Variants in CLASP1 observed in about 807,000 individuals in gnomAD.
CLASP1 encodes the protein cytoplasmic linker associated protein 1.
Under a neutral mutation model 192.3 loss-of-function variants are expected in CLASP1, and 38 were observed. The ratio of observed to expected loss-of-function variants is 0.20; its 90% confidence interval spans 0.15 to 0.26. The LOEUF (loss-of-function observed/expected upper bound fraction) is 0.26. Among genes scored for constraint, CLASP1 ranks in the 10% least tolerant of loss-of-function variants. CLASP1 has a pLI of 1.00. For synonymous variants in CLASP1, 691 were observed against 712.8 expected, an observed-to-expected ratio of 0.97 and a Z score of 0.49; for missense variants, 1,433 against 1,932.5, an observed-to-expected ratio of 0.74 and a Z score of 4.85.
intron 1 of CLASP1, among the ~76,000 whole-genome samples, chr2:121,628,110 CT>C (rs2106188242): frequency 6.6e-6 from 1 of 152,202 alleles, no homozygotes; most frequent in Non-Finnish European, 1.5e-5. Context: ...TAGGACACTG[CT>C]TTTACTAAAA....
At chr2:121,531,481 G>C (rs1438472668) in intron 2 of CLASP1, among the ~76,000 whole-genome samples, 1 of 151,648 alleles carries the variant, frequency 6.6e-6, no homozygotes, top group Non-Finnish European at 1.5e-5. Flanking sequence ...TGTAGTCCCA[G>C]CTGCTCGGGA....
intron 1 of CLASP1, among the ~76,000 whole-genome samples, chr2:121,619,714 A>G (rs2067011924): frequency 6.6e-6 from 1 of 152,212 alleles, no homozygotes; most frequent in Non-Finnish European, 1.5e-5. Flanking sequence ...ATTTTTCCCT[A>G]AATGTGAACT....
chr2:121,400,991 T>C (rs1242440501), intron 28 of CLASP1, among the ~76,000 whole-genome samples: 2 of 152,220 alleles, frequency 1.3e-5, no homozygotes, highest in Admixed American at 6.5e-5. Flanking sequence ...TTTTCTAACT[T>C]TTCTGGGCTT....
chr2:121,462,070 T>G (rs1415808224), intron 10 of CLASP1, among the ~76,000 whole-genome samples: 2 of 152,170 alleles, frequency 1.3e-5, no homozygotes, highest in African/African-American at 2.4e-5. Flanking sequence ...GTCAAACTTG[T>G]GGCTGTATCC....
chr2:121,582,105 G>A (rs1264235239), intron 2 of CLASP1, among the ~76,000 whole-genome samples: 1 of 152,042 alleles, frequency 6.6e-6, no homozygotes, highest in Admixed American at 6.5e-5. Context: ...GGAGGTGGCA[G>A]TGAGCCAAGA....
intron 1 of CLASP1, among the ~76,000 whole-genome samples, chr2:121,619,184 T>C (rs2066928257): frequency 6.6e-6 from 1 of 152,202 alleles, no homozygotes; most frequent in African/African-American, 2.4e-5. Context: ...CTCACCACAT[T>C]ACATTAAAAA....
rs1170152702 is a variant in CLASP1, at chr2:121,611,205, G to GTT, written c.-285-5026_-285-5025insAA. On this transcript the variant is annotated intron_variant, in intron 1 of 39. Coordinates refer to ENST00000263710, the Ensembl canonical transcript of CLASP1. ...AGGAAGAGGAACTGGAGGAGGAGGAGGTGGAGGAGTTACAGGAGGAAGAGG... is the reference window on the plus strand; with the variant it reads ...AGGAAGAGGAACTGGAGGAGGAGGAGTTGTGGAGGAGTTACAGGAGGAAGAGG... 5.0e-5 allele frequency among the ~76,000 whole-genome samples: 7 copies of GTT among 141,228 alleles called. 2 individuals are homozygous for GTT. The highest frequency in any genetic ancestry group is 1.9e-4 in the African/African-American group (7 of 36,588). 92.7% of individuals were successfully genotyped at this position (141,228 alleles called of 152,430 possible). A position where few individuals can be genotyped will look rare whatever the true frequency, so the allele number is the denominator to read the frequency against.
intron 22 of CLASP1, among the ~76,000 whole-genome samples, chr2:121,420,633 C>T (rs900208097): frequency 8.5e-5 from 13 of 152,174 alleles, no homozygotes; most frequent in Non-Finnish European, 1.3e-4. Flanking sequence ...AAGTCCCTTG[C>T]TGAAGAGCAC....
intron 23 of CLASP1, 74 bp from the exon 25 acceptor site, chr2:121,411,043 C>T (rs1384556195): frequency 3.4e-6 from 3 of 894,552 alleles, no homozygotes; most frequent in Non-Finnish European, 5.1e-6. Context: ...GGACTACTGC[C>T]TCTTCCCACC....
intron 19 of CLASP1, chr2:121,445,417 C>G (rs145358993): frequency 1.6e-6 from 2 of 1,276,060 alleles, no homozygotes; most frequent in Non-Finnish European, 2.0e-6. Context: ...CCCAACTACA[C>G]GTCCAGCAGC....
exon 8 of CLASP1, chr2:121,503,175 G>C: frequency 1.9e-6 from 3 of 1,548,132 alleles, no homozygotes; most frequent in Non-Finnish European, 2.6e-6. Context: ...ACCATTTGCA[G>C]ATTGTATCAT....
intron 30 of CLASP1, among the ~76,000 whole-genome samples, chr2:121,392,741 C>A (rs1432219867): frequency 2.6e-5 from 4 of 152,206 alleles, no homozygotes; most frequent in Non-Finnish European, 5.9e-5. Flanking sequence ...CTTACATCAA[C>A]ACAGTGCATT....
At chr2:121,420,855 G>A (rs184341185) in intron 22 of CLASP1, among the ~76,000 whole-genome samples, 42 of 152,052 alleles carry the variant, frequency 2.8e-4, no homozygotes, top group East Asian at 2.3e-3. Flanking sequence ...GCTCTTTTTC[G>A]TCTGAGTCTG....
chr2:121,634,964 A>T (rs899004463), intron 1 of CLASP1, among the ~76,000 whole-genome samples: 2 of 152,204 alleles, frequency 1.3e-5, no homozygotes, highest in African/African-American at 4.8e-5. Flanking sequence ...ATAGCAAAAG[A>T]TAGTTTGCAT....
At chr2:121,575,982 A>G (rs1326194887) in intron 2 of CLASP1, among the ~76,000 whole-genome samples, 1 of 152,266 alleles carries the variant, frequency 6.6e-6, no homozygotes, top group Non-Finnish European at 1.5e-5. Context: ...GACACAGGCC[A>G]AAGCTAACCT....
chr2:121,646,246 G>A (rs2073163291), intron 1 of CLASP1, among the ~76,000 whole-genome samples: 2 of 152,016 alleles, frequency 1.3e-5, no homozygotes, highest in African/African-American at 4.8e-5. Flanking sequence ...CCAAGTAGTT[G>A]GGACTACAGG....
intron 38 of CLASP1, among the ~76,000 whole-genome samples, chr2:121,347,738 C>G (rs78811110): frequency 6.6e-6 from 1 of 152,286 alleles, no homozygotes; most frequent in East Asian, 1.9e-4. Context: ...GTTCTCCAAA[C>G]AGCCTGGGAC....
intron 1 of CLASP1, among the ~76,000 whole-genome samples, chr2:121,619,196 G>A (rs2066930434): frequency 6.6e-6 from 1 of 152,128 alleles, no homozygotes; most frequent in Admixed American, 6.5e-5. Flanking sequence ...CATTAAAAAG[G>A]CAGGTCACCT....
At chr2:121,531,183 C>G (rs988699117) in intron 2 of CLASP1, among the ~76,000 whole-genome samples, 2 of 152,060 alleles carry the variant, frequency 1.3e-5, no homozygotes, top group African/African-American at 2.4e-5. Flanking sequence ...GAACTTCACC[C>G]CTTTAACTTT....
Sources: gnomAD v4.1 joint callset for allele counts (sites outside exome capture counted in the v4.1 genomes callset) on GRCh38, gnomAD v4.1.1 for gene constraint, MANE v1.5 for transcripts, NCBI Gene and HGNC (gene_info 2026-07-23, HGNC 2026-07-21) for gene names.